The following LITAF variants were observed in gnomAD, a reference collection of about 807,000 sequenced individuals.
LITAF encodes lipopolysaccharide induced TNF factor.
In LITAF, 9 loss-of-function variants were observed where a neutral mutation model predicts 14.5. That is an observed-to-expected ratio of 0.62 (90% CI 0.37 to 1.08). The LOEUF (loss-of-function observed/expected upper bound fraction) is 1.08, where lower values mean the gene tolerates loss of function less well. Ranked by LOEUF, LITAF falls within the 50% of genes least tolerant of loss-of-function variation. The pLI is 0.01. For missense variants in LITAF, 206 were observed against 213.4 expected, an observed-to-expected ratio of 0.97 and a Z score of 0.22; for synonymous variants, 98 against 88.2, an observed-to-expected ratio of 1.11 and a Z score of -0.62.
chr16:11,631,641 C>T (rs1297455964), intron 3 of LITAF, among the ~76,000 whole-genome samples: 1 of 152,218 alleles, frequency 6.6e-6, no homozygotes. Flanking sequence ...TCACCCTCCT[C>T]AACCTCCCAA....
chr16:11,628,066 A>G (rs181323657), intron 3 of LITAF, among the ~76,000 whole-genome samples: 3 of 152,078 alleles, frequency 2.0e-5, no homozygotes, highest in Admixed American at 2.0e-4. Context: ...GCCCAAGACA[A>G]GCACAGTCCT....
chr16:11,609,013 G>A (rs1411057910), intron 3 of LITAF, among the ~76,000 whole-genome samples: 1 of 151,324 alleles, frequency 6.6e-6, no homozygotes, highest in African/African-American at 2.4e-5. Flanking sequence ...CAGTTCCATT[G>A]ATGTGAAATG....
chr16:11,579,432 T>G (rs997811055), intron 1 of LITAF, among the ~76,000 whole-genome samples: 1 of 150,848 alleles, frequency 6.6e-6, no homozygotes, highest in African/African-American at 2.4e-5. Context: ...CAGTCCGGCC[T>G]GGGCGACAGA....
chr16:11,607,964 C>T (rs1165111912), intron 3 of LITAF, among the ~76,000 whole-genome samples: 1 of 152,188 alleles, frequency 6.6e-6, no homozygotes, highest in African/African-American at 2.4e-5. Flanking sequence ...ACCCCTGTCC[C>T]AGCTCCCTGA....
chr16:11,623,840 G>A lies in LITAF; in HGVS notation c.85+9693C>T, dbSNP rs1487227264. 3.3e-5 allele frequency among the ~76,000 whole-genome samples: 5 copies of A among 151,840 alleles called. No homozygotes were observed. The East Asian group carries it at 7.8e-4, about 24-fold the overall frequency. On this transcript the variant is annotated intron_variant, in intron 3 of 3. Coordinates refer to the LITAF transcript ENST00000574848. ...AAATTACCTGGGCATGGTGGCAGGC[G>A]CCTGTAATCCCAGCTACTTGGGAGG...
At position 11,549,712 on chromosome 16, in the gene LITAF, G is replaced by A. The variant is rs748118642; in HGVS notation, c.411C>T (p.Cys137=). The change falls in exon 4 of 4, where the codon TGC becomes TGT. Residue 137 remains cysteine (C), a synonymous_variant. Coordinates refer to ENST00000622633, the MANE Select transcript of LITAF (RefSeq NM_001136472.2). The surrounding 1 kb of genome is among the most constrained non-coding windows in gnomAD (Gnocchi z 4.6). The part of the protein sequence containing the change: ...CIAGCCFIPF[C]VDALQDVDHY... ...GGTCCACGTCCTGCAGGGCATCCAC[G>A]CAGAAGGGGATGAAGCAGCAGCCCG... 68 of 1,613,696 alleles carry A rather than the reference G, an allele frequency of 4.2e-5. No homozygotes were observed. The South Asian group carries it at 4.4e-4, about 10-fold the overall frequency.
At chr16:11,573,063 G>A (rs1254173163) in intron 1 of LITAF, among the ~76,000 whole-genome samples, 1 of 151,834 alleles carries the variant, frequency 6.6e-6, no homozygotes, top group African/African-American at 2.4e-5. Flanking sequence ...TGAGTAGCTG[G>A]GACTACAGGC....
chr16:11,594,989 C>T (rs1267910289), intron 1 of LITAF, among the ~76,000 whole-genome samples: 2 of 152,122 alleles, frequency 1.3e-5, no homozygotes, highest in Non-Finnish European at 2.9e-5. Context: ...CGTCCTTTTG[C>T]TACTGTCCAT....
At position 11,586,906 on chromosome 16, in the gene LITAF, G is replaced by C. The variant is rs1479662082; in HGVS notation, c.-26C>G. ...CTCACCGCCGCCCGCGCCGCCTGTC[G>C]AGCCGGGAGGTCTGAGCTGGCCTCT... On this transcript the variant is annotated 5_prime_UTR_variant, in exon 1 of 4. Transcript: ENST00000622633. This position sits in a 1 kb window ranked among gnomAD's most constrained non-coding sequence, Gnocchi z 6.5. 3 of 150,078 alleles carry C rather than the reference G, an allele frequency of 2.0e-5. No individual in the cohort carries two copies. Among genetic ancestry groups the C allele is most frequent in the African/African-American group, 7.4e-5 (3 of 40,750 alleles). The allele number at this position is 150,078 out of a possible 1,614,324, so 9.3% of individuals were successfully genotyped here.
At chr16:11,571,219 C>T (rs1316041669) in intron 1 of LITAF, among the ~76,000 whole-genome samples, 1 of 152,182 alleles carries the variant, frequency 6.6e-6, no homozygotes, top group Non-Finnish European at 1.5e-5. Flanking sequence ...AGGCACCCAA[C>T]ACCATGCCTG....
intron 1 of LITAF, among the ~76,000 whole-genome samples, chr16:11,565,720 G>A (rs567873222): frequency 1.2e-3 from 183 of 152,068 alleles, no homozygotes; most frequent in African/African-American, 3.6e-3. Context: ...CTCTCGTGGC[G>A]TCTCCCGCCA....
intron 1 of LITAF, among the ~76,000 whole-genome samples, chr16:11,580,612 A>T (rs1288605569): frequency 3.3e-5 from 5 of 152,018 alleles, no homozygotes; most frequent in African/African-American, 9.7e-5. Context: ...ACAAGCCATC[A>T]CCTGCTCTTC....
intron 3 of LITAF, among the ~76,000 whole-genome samples, chr16:11,609,148 C>G (rs906952147): frequency 5.3e-5 from 8 of 151,466 alleles, no homozygotes; most frequent in African/African-American, 1.7e-4. Flanking sequence ...GAAAAATGTT[C>G]TGAAACTGAC....
At chr16:11,607,397 C>T (rs1297959237) in intron 3 of LITAF, among the ~76,000 whole-genome samples, 4 of 152,190 alleles carry the variant, frequency 2.6e-5, no homozygotes, top group Non-Finnish European at 4.4e-5. Context: ...GCTGGACTTC[C>T]CTTAAGCTCT....
upstream of LITAF, among the ~76,000 whole-genome samples, chr16:11,639,299 G>A (rs8060628): frequency 0.63 from 95,843 of 151,204 alleles, 32,275 homozygotes; most frequent in East Asian, 0.85. Context: ...GTGGTTAGAG[G>A]GTGGGAGGGA....
At chr16:11,637,960 A>ATC (rs1405717652), upstream of LITAF, among the ~76,000 whole-genome samples, 179 of 52,772 alleles carry the variant, frequency 3.4e-3, 49 homozygotes, top group African/African-American at 0.025. Flanking sequence ...ATATATCTAT[A>ATC]TATATCTATA....
At chr16:11,584,730 G>A (rs998972554) in intron 1 of LITAF, among the ~76,000 whole-genome samples, 1 of 152,172 alleles carries the variant, frequency 6.6e-6, no homozygotes, top group Non-Finnish European at 1.5e-5. Context: ...TTTCGCCGGT[G>A]TGTGTTTCTA....
chr16:11,591,512 C>A (rs1343266923), upstream of LITAF, among the ~76,000 whole-genome samples: 1 of 151,944 alleles, frequency 6.6e-6, no homozygotes, highest in African/African-American at 2.4e-5. Context: ...AAACTTACTA[C>A]AGAGATACAG....
Position 11,563,140 on chromosome 16 carries a change from A to T in LITAF, c.-5-6405T>A. On this transcript the variant is annotated intron_variant, in intron 1 of 3. Transcript: ENST00000622633. Reference sequence around the variant, plus strand: ...TGAGACCATATCTCTACACAAAAAAATTATAATAATAATAATTTTTTTTTT... The same window carrying T: ...TGAGACCATATCTCTACACAAAAAATTTATAATAATAATAATTTTTTTTTT... Among the ~76,000 whole-genome samples, 3 of 139,022 alleles carry T rather than the reference A, an allele frequency of 2.2e-5. No individual in the cohort carries two copies. In the South Asian group the frequency reaches 7.6e-4, roughly 35 times the overall value. The allele number at this position is 139,022 out of a possible 152,430, so 91.2% of individuals were successfully genotyped here.
Sources: gnomAD v4.1 joint callset for allele counts (sites outside exome capture counted in the v4.1 genomes callset) on GRCh38, gnomAD v4.1.1 for gene constraint, Gnocchi (gnomAD v3.1) non-coding constraint, MANE v1.5 for transcripts, NCBI Gene and HGNC (gene_info 2026-07-23, HGNC 2026-07-21) for gene names.